Variants in NEMF observed in about 807,000 individuals in gnomAD.
The protein encoded by NEMF is nuclear export mediator factor.
In NEMF, 89 loss-of-function variants were observed where a neutral mutation model predicts 162.2. The ratio of observed to expected loss-of-function variants is 0.55; its 90% CI spans 0.46 to 0.65. The LOEUF (loss-of-function observed/expected upper bound fraction) is 0.65. Among genes scored for constraint, NEMF ranks in the 30% least tolerant of loss-of-function variants. The probability of loss-of-function intolerance (pLI) is 0.00; values close to 1 mark genes in which losing one functional copy is unlikely to be tolerated. For synonymous variants in NEMF, 421 were observed against 404.5 expected, an observed-to-expected ratio of 1.04 and a Z score of -0.49; for missense variants, 1,133 against 1,261.9, an observed-to-expected ratio of 0.90 and a Z score of 1.55.
intron 8 of NEMF, 125 bp from the exon 9 acceptor site, chr14:49,832,402 G>A (rs961292588): frequency 8.1e-6 from 5 of 620,192 alleles, no homozygotes; most frequent in Non-Finnish European, 1.1e-5. Flanking sequence ...TATATTCTCG[G>A]CTCACTGCAA....
At chr14:49,851,538 T>G (rs777602435) in intron 3 of NEMF, 25 bp downstream of exon 3, 2 of 1,506,862 alleles carry the variant, frequency 1.3e-6, no homozygotes, top group South Asian at 1.1e-5. Context: ...CTCTTAAAAT[T>G]TAGCTTCAAG....
chr14:49,850,000 G>T (rs1893692990), intron 3 of NEMF, among the ~76,000 whole-genome samples: 1 of 152,186 alleles, frequency 6.6e-6, no homozygotes, highest in South Asian at 2.1e-4. Flanking sequence ...AGCCTCTAAT[G>T]AAATAACTCA....
intron 4 of NEMF, among the ~76,000 whole-genome samples, chr14:49,844,098 CAAA>C (rs74488260): frequency 8.4e-6 from 1 of 119,290 alleles, no homozygotes. Context: ...GACTCTGTAT[CAAA>C]AAAAAAAAAC....
intron 4 of NEMF, among the ~76,000 whole-genome samples, chr14:49,845,129 G>A (rs1482283463): frequency 4.7e-5 from 7 of 150,308 alleles, no homozygotes; most frequent in East Asian, 3.9e-4. Flanking sequence ...GTCTTGCTCC[G>A]TTGCCCAGGC....
chr14:49,849,165 T>C (rs865833641), intron 3 of NEMF, among the ~76,000 whole-genome samples: 8 of 152,186 alleles, frequency 5.3e-5, no homozygotes, highest in Non-Finnish European at 8.8e-5. Flanking sequence ...GTAACCTACA[T>C]GTAGGGCTAT....
Position 49,783,055 on chromosome 14 carries a change from C to A in NEMF, c.*1581G>T, listed in dbSNP as rs1296959947. 2 of 1,283,100 alleles carry A rather than the reference C, an allele frequency of 1.6e-6. No individual in the cohort carries two copies. The highest frequency in any genetic ancestry group is 1.5e-5 in the African/African-American group (1 of 66,492). The allele number at this position is 1,283,100 out of a possible 1,614,324, so 79.5% of individuals were successfully genotyped here. ...TAATTATATGCATTGTTGTAGTTTG[C>A]ACCTGTTGGTTTTAATGTGCATGTG... On this transcript the variant is annotated 3_prime_UTR_variant, in exon 33 of 33. Coordinates refer to ENST00000298310, the MANE Select transcript of NEMF (RefSeq NM_004713.6).
chr14:49,844,125 A>C (rs367691301), intron 4 of NEMF, among the ~76,000 whole-genome samples: 23 of 151,462 alleles, frequency 1.5e-4, no homozygotes, highest in African/African-American at 5.6e-4. Context: ...AACAAAACAA[A>C]AAAAAAACCG....
intron 11 of NEMF, 61 bp from the exon 12 acceptor site, chr14:49,829,487 TC>T (rs1892533731): frequency 6.7e-6 from 9 of 1,342,594 alleles, no homozygotes; most frequent in Non-Finnish European, 9.4e-6. Flanking sequence ...GACATCCCTC[TC>T]TTACTTCCCA....
intron 2 of NEMF, 21 bp from the exon 3 acceptor site, chr14:49,851,686 A>G (rs1345467302): frequency 3.1e-6 from 5 of 1,597,988 alleles, no homozygotes; most frequent in Non-Finnish European, 4.3e-6. Context: ...AAAAAGTCGA[A>G]TTTTTCTTTA....
At chr14:49,838,716 C>T (rs1369212160) in intron 5 of NEMF, among the ~76,000 whole-genome samples, 1 of 151,732 alleles carries the variant, frequency 6.6e-6, no homozygotes, top group Non-Finnish European at 1.5e-5. Flanking sequence ...TCCCGAGTAG[C>T]TAGGACTACA....
chr14:49,821,772 G>A (rs1892071078), intron 16 of NEMF, among the ~76,000 whole-genome samples: 1 of 151,542 alleles, frequency 6.6e-6, no homozygotes. Context: ...GAAGTGAGGA[G>A]CCCCTCTGCC....
intron 26 of NEMF, among the ~76,000 whole-genome samples, chr14:49,793,044 G>A (rs138786769): frequency 1.4e-4 from 22 of 152,164 alleles, no homozygotes; most frequent in African/African-American, 5.3e-4. Flanking sequence ...TTAACTCATC[G>A]TTATTAAAAA....
chr14:49,844,341 C>G (rs1188166482), intron 4 of NEMF, among the ~76,000 whole-genome samples: 1 of 152,202 alleles, frequency 6.6e-6, no homozygotes, highest in Non-Finnish European at 1.5e-5. Context: ...AATGCCACCA[C>G]TGATCTGACA....
chr14:49,819,123 G>A (rs1891866639), intron 16 of NEMF, among the ~76,000 whole-genome samples: 2 of 152,100 alleles, frequency 1.3e-5, no homozygotes, highest in African/African-American at 4.8e-5. Flanking sequence ...AAGAAAAAAA[G>A]AAAAGGAGGG....
chr14:49,846,482 T>A (rs1367586750), intron 3 of NEMF, among the ~76,000 whole-genome samples: 1 of 152,242 alleles, frequency 6.6e-6, no homozygotes. Context: ...TTGCATTTTT[T>A]TAAGACAGGG....
At chr14:49,838,106 A>C in intron 6 of NEMF, 33 bp downstream of exon 6, 1 of 1,555,148 alleles carries the variant, frequency 6.4e-7, no homozygotes, top group Non-Finnish European at 8.8e-7. Context: ...ACTGCCTTGC[A>C]AACATTTCAC....
chr14:49,845,811 C>A (rs954462097), intron 4 of NEMF, among the ~76,000 whole-genome samples: 1 of 152,206 alleles, frequency 6.6e-6, no homozygotes, highest in Non-Finnish European at 1.5e-5. Context: ...ACTATACATA[C>A]AGCGCATCAG....
At chr14:49,820,346 T>C in intron 16 of NEMF, 1 of 445,860 alleles carries the variant, frequency 2.2e-6, no homozygotes, top group Non-Finnish European at 4.5e-6. Flanking sequence ...TGAATACCTT[T>C]TGAGTTTGGT....
chr14:49,813,064 C>T (rs1395656202), intron 18 of NEMF, among the ~76,000 whole-genome samples: 6 of 152,078 alleles, frequency 3.9e-5, no homozygotes, highest in African/African-American at 1.2e-4. Flanking sequence ...TGTGAGTCAC[C>T]GCATCCAGCC....
Sources: allele counts gnomAD v4.1 joint callset (sites outside exome capture counted in the v4.1 genomes callset), GRCh38; gene constraint gnomAD v4.1.1; transcripts MANE v1.5; gene names NCBI Gene and HGNC (gene_info 2026-07-23, HGNC 2026-07-21).